The following NRXN3 variants were observed in gnomAD, a reference collection of about 807,000 sequenced individuals.
The protein encoded by NRXN3 is neurexin 3.
Under a neutral mutation model 137.6 loss-of-function variants are expected in NRXN3, and 32 were observed. The ratio of observed to expected loss-of-function variants is 0.23; its 90% CI spans 0.18 to 0.31. The LOEUF (loss-of-function observed/expected upper bound fraction) is 0.31, where lower values mean the gene tolerates loss of function less well. Among genes scored for constraint, NRXN3 ranks in the 10% least tolerant of loss-of-function variants. The pLI, the probability that NRXN3 is intolerant of heterozygous loss-of-function variation, is 1.00. For missense variants in NRXN3, 1,574 were observed against 2,062.5 expected (o/e 0.76, Z 4.59); for synonymous variants, 798 against 784.5 (o/e 1.02, Z -0.29).
rs542765352 is a variant in NRXN3 at position 79,187,788 on chromosome 14, C to A, written c.3262+199647C>A. 1.4e-4 allele frequency among the ~76,000 whole-genome samples: 22 copies of A among 152,268 alleles called. No individual in the cohort carries two copies. The South Asian group carries it at 1.7e-3, about 11-fold the overall frequency. On this transcript the variant is annotated intron_variant, in intron 15 of 20. Coordinates refer to ENST00000335750, the MANE Select transcript of NRXN3 (RefSeq NM_001330195.2). ...CCCTTTTGAGATTTTCAGCAATGGACTTTTCTTGGATGAGACGGAAGATGC... is the reference window on the plus strand; with the variant it reads ...CCCTTTTGAGATTTTCAGCAATGGAATTTTCTTGGATGAGACGGAAGATGC...
intron 15 of NRXN3, among the ~76,000 whole-genome samples, chr14:79,389,133 C>T (rs1214730878): frequency 5.9e-5 from 9 of 152,126 alleles, no homozygotes; most frequent in Non-Finnish European, 1.3e-4. Context: ...CAGACATTGT[C>T]GTAAGTTGTG....
chr14:78,803,649 A>G lies in NRXN3; in HGVS notation c.2074A>G (p.Met692Val), dbSNP rs1567356558. Reference protein sequence around the residue: ...EASILSYDGSMYMKIIMPMVM... With the variant: ...EASILSYDGSVYMKIIMPMVM... ...ATCCATCCTGAGCTATGATGGTAGCATGTACATGAAGATCATCATGCCCAT... is the reference window on the plus strand; with the variant it reads ...ATCCATCCTGAGCTATGATGGTAGCGTGTACATGAAGATCATCATGCCCAT... The change falls in exon 9 of 21, where the codon ATG becomes GTG. Residue 692 changes from methionine to valine, a missense_variant. Transcript: ENST00000335750. The G allele has an allele frequency of 6.2e-7, 1 of 1,614,158 alleles. No individual in the cohort carries two copies.
intron 2 of NRXN3, among the ~76,000 whole-genome samples, chr14:78,271,613 G>A (rs1288869999): frequency 1.3e-5 from 2 of 152,200 alleles, no homozygotes; most frequent in African/African-American, 4.8e-5. Flanking sequence ...AGCCCCTGAA[G>A]GTGTTTGAGT....
At chr14:78,344,659 CTG>C (rs1358139257) in intron 4 of NRXN3, among the ~76,000 whole-genome samples, 3 of 152,180 alleles carry the variant, frequency 2.0e-5, no homozygotes, top group Non-Finnish European at 2.9e-5. Context: ...GAAATGGACA[CTG>C]AGTCTACCTG....
intron 10 of NRXN3, among the ~76,000 whole-genome samples, chr14:78,864,465 A>T (rs1159943032): frequency 6.6e-6 from 1 of 152,132 alleles, no homozygotes; most frequent in Non-Finnish European, 1.5e-5. Flanking sequence ...CCAACATTTT[A>T]AAAATGTGAA....
At chr14:78,927,499 G>A (rs2099309103) in intron 10 of NRXN3, among the ~76,000 whole-genome samples, 1 of 152,082 alleles carries the variant, frequency 6.6e-6, no homozygotes, top group Non-Finnish European at 1.5e-5. Context: ...TGCTGACCTC[G>A]GCTGAAACAG....
chr14:78,295,990 A>G (rs903793718), intron 3 of NRXN3, among the ~76,000 whole-genome samples: 7 of 146,968 alleles, frequency 4.8e-5, no homozygotes, highest in African/African-American at 1.8e-4. Flanking sequence ...TTAACCCTCT[A>G]TTTGACTCTT....
intron 19 of NRXN3, among the ~76,000 whole-genome samples, chr14:79,802,232 G>C (rs1397642413): frequency 6.6e-6 from 1 of 152,048 alleles, no homozygotes; most frequent in Admixed American, 6.6e-5. Context: ...CTTGAAAGGA[G>C]CTCATTAGAT....
chr14:78,854,795 G>A (rs2099052262), intron 10 of NRXN3, among the ~76,000 whole-genome samples: 3 of 152,098 alleles, frequency 2.0e-5, no homozygotes, highest in Non-Finnish European at 1.5e-5. Flanking sequence ...ATATGGGCTG[G>A]GCACGGTGGC....
At chr14:78,845,111 G>C (rs1323600273) in intron 10 of NRXN3, among the ~76,000 whole-genome samples, 1 of 151,880 alleles carries the variant, frequency 6.6e-6, no homozygotes. Context: ...AAAATATAAA[G>C]AGTAGTATAG....
At chr14:78,954,142 G>A (rs2099392145) in intron 10 of NRXN3, among the ~76,000 whole-genome samples, 1 of 151,960 alleles carries the variant, frequency 6.6e-6, no homozygotes, top group Non-Finnish European at 1.5e-5. Context: ...TTTATGCCTG[G>A]GCTACTTATT....
intron 20 of NRXN3, among the ~76,000 whole-genome samples, chr14:79,850,302 T>C (rs1219258388): frequency 6.6e-6 from 1 of 152,162 alleles, no homozygotes; most frequent in Non-Finnish European, 1.5e-5. Context: ...AAGTTTAAAA[T>C]ATATAATGTT....
intron 6 of NRXN3, among the ~76,000 whole-genome samples, chr14:78,655,793 G>C (rs1336705282): frequency 6.6e-6 from 1 of 152,166 alleles, no homozygotes; most frequent in Non-Finnish European, 1.5e-5. Context: ...AGGCTGAGTG[G>C]CTTATAAACA....
At position 79,257,592 on chromosome 14, in the gene NRXN3, G is replaced by GTGA. The variant is rs372553413; in HGVS notation, c.3263-209627_3263-209626insATG. Among the ~76,000 whole-genome samples the GTGA allele has an allele frequency of 4.1e-3, 503 of 122,944 alleles. 27 individuals are homozygous for GTGA. Among genetic ancestry groups the GTGA allele is most frequent in the African/African-American group, 0.016 (468 of 28,906 alleles). 80.7% of individuals were successfully genotyped at this position (122,944 alleles called of 152,430 possible). ...GGTGGTGGTGGTGATGGTAATGATG[G>GTGA]TGGTGGTGGTGGTGGTGGTGGTGAC... On this transcript the variant is annotated intron_variant, in intron 15 of 20. Transcript: ENST00000335750.
chr14:79,638,252 TTTG>T (rs2098415729), intron 16 of NRXN3, among the ~76,000 whole-genome samples: 2 of 152,180 alleles, frequency 1.3e-5, no homozygotes, highest in African/African-American at 4.8e-5. Context: ...GCTCCTTTCC[TTTG>T]TTGTTGTTTT....
intron 1 of NRXN3, among the ~76,000 whole-genome samples, chr14:78,224,465 C>G (rs2064245689): frequency 6.6e-6 from 1 of 151,974 alleles, no homozygotes; most frequent in Non-Finnish European, 1.5e-5. Context: ...GTGATGTTCC[C>G]CTTCCTGTGC....
intron 16 of NRXN3, among the ~76,000 whole-genome samples, chr14:79,480,094 T>A (rs920075903): frequency 1.3e-5 from 2 of 152,152 alleles, no homozygotes; most frequent in African/African-American, 2.4e-5. Context: ...TAAATCCAGA[T>A]GTGGGTGTCT....
intron 15 of NRXN3, among the ~76,000 whole-genome samples, chr14:79,305,757 CCTTAT>C (rs1487905209): frequency 6.6e-6 from 1 of 152,072 alleles, no homozygotes; most frequent in Non-Finnish European, 1.5e-5. Flanking sequence ...AATGAACTAA[CCTTAT>C]AATTCCATCC....
intron 16 of NRXN3, among the ~76,000 whole-genome samples, chr14:79,470,416 G>T (rs1449689165): frequency 1.3e-5 from 2 of 152,132 alleles, no homozygotes; most frequent in Admixed American, 6.5e-5. Flanking sequence ...TGCATCCTCA[G>T]GAGGGGAGGA....
Sources: allele counts gnomAD v4.1 joint callset (sites outside exome capture counted in the v4.1 genomes callset), GRCh38; gene constraint gnomAD v4.1.1; transcripts MANE v1.5; gene names NCBI Gene and HGNC (gene_info 2026-07-23, HGNC 2026-07-21).